The following C12orf50 variants were observed in gnomAD, a reference collection of about 807,000 sequenced individuals.
C12orf50 encodes the protein uncharacterized protein C12orf50.
Under a neutral mutation model 61.6 loss-of-function variants are expected in C12orf50, and 35 were observed. That is an observed-to-expected ratio of 0.57 (90% CI 0.43 to 0.75). The LOEUF (loss-of-function observed/expected upper bound fraction) is 0.75. Among genes scored for constraint, C12orf50 ranks in the 30% least tolerant of loss-of-function variants. The probability of loss-of-function intolerance (pLI) is 0.00; values close to 1 mark genes in which losing one functional copy is unlikely to be tolerated. For missense variants in C12orf50, 475 were observed against 488.5 expected (o/e 0.97, Z 0.26); for synonymous variants, 178 against 161.5 (o/e 1.10, Z -0.77).
chr12:87,982,246 A>T (rs1251646637), intron 12 of C12orf50, among the ~76,000 whole-genome samples: 61 of 152,134 alleles, frequency 4.0e-4, no homozygotes, highest in Admixed American at 4.0e-3. Context: ...CACATGTGAA[A>T]ATTCACACAA....
chr12:88,028,047 C>T (rs537876298), intron 1 of C12orf50: 1 of 152,256 alleles, frequency 6.6e-6, no homozygotes, highest in African/African-American at 2.4e-5. Flanking sequence ...TCAGTTTTCT[C>T]ATCTGTATAC....
chr12:87,996,262 T>G (rs1333956740), intron 6 of C12orf50, 112 bp downstream of exon 6: 2 of 759,048 alleles, frequency 2.6e-6, no homozygotes, highest in Non-Finnish European at 4.3e-6. Context: ...AGTGCTCAAT[T>G]ACGATGTATT....
chr12:87,985,761 G>A (rs983740914), intron 11 of C12orf50, 89 bp downstream of exon 11: 2 of 1,273,710 alleles, frequency 1.6e-6, no homozygotes, highest in South Asian at 2.4e-5. Flanking sequence ...AGGGGAGTAA[G>A]TAGTAGTGAA....
At position 87,989,917 on chromosome 12, in the gene C12orf50, T is replaced by C. The variant is rs375125597; in HGVS notation, c.593-546A>G. On this transcript the variant is annotated intron_variant, in intron 7 of 12. Coordinates refer to ENST00000298699, the MANE Select transcript of C12orf50 (RefSeq NM_152589.3). ...ATCAGCAGAACTAGTAAAATAATAC[T>C]TGCCATTCATGGAGTAATTTTCTAG... Among the ~76,000 whole-genome samples, 45 of 152,272 alleles carry C rather than the reference T, an allele frequency of 3.0e-4. No homozygotes were observed. In the South Asian group the frequency reaches 9.1e-3, roughly 31 times the overall value.
In C12orf50 at chr12:88,026,999, C is replaced by T. The variant is rs756740227; in HGVS notation, c.-37G>A. ...TGCAAAGTGGATCTAAACATTTCCT[C>T]TCTCTCCATAATGAGCACACAGTGT... On this transcript the variant is annotated 5_prime_UTR_variant, in exon 2 of 13. Coordinates refer to ENST00000298699, the MANE Select transcript of C12orf50 (RefSeq NM_152589.3). 3.7e-6 allele frequency: 6 copies of T among 1,614,012 alleles called. No individual in the cohort carries two copies. Among genetic ancestry groups the T allele is most frequent in the East Asian group, 2.2e-5 (1 of 44,852 alleles).
intron 11 of C12orf50, chr12:87,985,552 C>T: frequency 2.9e-6 from 1 of 341,112 alleles, no homozygotes; most frequent in Non-Finnish European, 5.3e-6. Context: ...CATTCAAAAA[C>T]AGTCCTCCTG....
intron 12 of C12orf50, among the ~76,000 whole-genome samples, chr12:87,982,691 G>A (rs1280853125): frequency 6.6e-6 from 1 of 151,980 alleles, no homozygotes; most frequent in East Asian, 1.9e-4. Flanking sequence ...ATTTCATCTT[G>A]GATGTCCTGT....
chr12:88,020,807 T>TA (rs138710006), intron 3 of C12orf50, among the ~76,000 whole-genome samples: 13,004 of 143,618 alleles, frequency 0.091, 589 homozygotes, highest in African/African-American at 0.11. Flanking sequence ...CTCAGCAAAT[T>TA]AAAAAAAAAA....
At chr12:88,001,993 T>C (rs1324913434) in intron 3 of C12orf50, among the ~76,000 whole-genome samples, 1 of 151,792 alleles carries the variant, frequency 6.6e-6, no homozygotes, top group Non-Finnish European at 1.5e-5. Flanking sequence ...ATTCTCTAGT[T>C]CATTAATTCC....
chr12:87,982,830 A>T (rs1481087165), intron 12 of C12orf50, among the ~76,000 whole-genome samples: 1 of 151,996 alleles, frequency 6.6e-6, no homozygotes, highest in Non-Finnish European at 1.5e-5. Flanking sequence ...TTAACGTATT[A>T]CATGATTGCT....
chr12:88,003,907 C>T (rs905248100), intron 3 of C12orf50, among the ~76,000 whole-genome samples: 3 of 151,596 alleles, frequency 2.0e-5, no homozygotes, highest in Non-Finnish European at 4.4e-5. Flanking sequence ...TGGTAAAATG[C>T]CTCATATTTC....
At position 87,990,255 on chromosome 12, in the gene C12orf50, T is replaced by C. The variant is rs540613620; in HGVS notation, c.593-884A>G. Among the ~76,000 whole-genome samples, 3 of 152,330 alleles carry C rather than the reference T, an allele frequency of 2.0e-5. No homozygotes were observed. The East Asian group carries it at 5.8e-4, about 29-fold the overall frequency. On this transcript the variant is annotated intron_variant, in intron 7 of 12. Coordinates refer to ENST00000298699, the MANE Select transcript of C12orf50 (RefSeq NM_152589.3). Reference sequence around the variant, plus strand: ...TCCAACAGATTAACCTCCAGTTAACTGTAAATTTTATAAACATGTCTACAT... The same window carrying C: ...TCCAACAGATTAACCTCCAGTTAACCGTAAATTTTATAAACATGTCTACAT...
At chr12:87,997,913 A>G (rs2031481933) in intron 4 of C12orf50, 122 bp downstream of exon 4, 2 of 673,976 alleles carry the variant, frequency 3.0e-6, no homozygotes, top group Non-Finnish European at 2.4e-6. Context: ...ATACAATTAT[A>G]GTTATTTTCT....
chr12:87,992,641 CA>C (rs147341438), intron 7 of C12orf50, among the ~76,000 whole-genome samples: 8,503 of 151,936 alleles, frequency 0.056, 767 homozygotes, highest in African/African-American at 0.19. Context: ...ATATAAAGGT[CA>C]AAAAATGCAA....
chr12:87,995,278 G>C (rs928982790), intron 6 of C12orf50, among the ~76,000 whole-genome samples: 2 of 152,030 alleles, frequency 1.3e-5, no homozygotes, highest in Non-Finnish European at 2.9e-5. Flanking sequence ...TAGACTAGGG[G>C]AAAAAATTTA....
In C12orf50 at chr12:87,994,634, T is replaced by C. The variant is rs775136641; in HGVS notation, c.591A>G (p.Gly197=). The C allele has an allele frequency of 6.3e-7, 1 of 1,596,060 alleles. No individual in the cohort carries two copies. Among genetic ancestry groups the C allele is most frequent in the Non-Finnish European group, 8.6e-7 (1 of 1,164,152 alleles). ...TCAATCAGTAATAAATTAACTCACC[T>C]CCATTTTCAAAAGCAGCAATGTCAG... ...PKTDIAAFEN[G]GGDCYVPQRV... Residue 197 remains glycine (G), a splice_region_variant and synonymous_variant, in exon 7 of 13, where the codon GGA becomes GGG. Transcript: ENST00000298699.
rs1439435346 is a variant in C12orf50 at position 87,998,866 on chromosome 12, T to G, written c.134-676A>C. Among the ~76,000 whole-genome samples, 6 of 152,080 alleles carry G rather than the reference T, an allele frequency of 3.9e-5. 1 individual carries two copies. The highest frequency in any genetic ancestry group is 3.9e-4 in the Admixed American group (6 of 15,274). ...ATAGACCATTCAATGGGGGAAAAAA[T>G]AGTATTTTCAACAAATGTTGCCGGG... On this transcript the variant is annotated intron_variant, in intron 3 of 12. Coordinates refer to ENST00000298699, the MANE Select transcript of C12orf50 (RefSeq NM_152589.3).
intron 3 of C12orf50, among the ~76,000 whole-genome samples, chr12:88,007,251 GT>G (rs2031920162): frequency 6.6e-6 from 1 of 152,050 alleles, no homozygotes; most frequent in Non-Finnish European, 1.5e-5. Context: ...TTATAATATT[GT>G]GAAATCTTCT....
intron 11 of C12orf50, chr12:87,984,327 T>C (rs1472283511): frequency 1.3e-5 from 2 of 152,148 alleles, no homozygotes; most frequent in African/African-American, 4.8e-5. Flanking sequence ...GGTGACAGAT[T>C]CTTAATTGGC....
Sources: gnomAD v4.1 joint callset for allele counts (sites outside exome capture counted in the v4.1 genomes callset) on GRCh38, gnomAD v4.1.1 for gene constraint, MANE v1.5 for transcripts, NCBI Gene and HGNC (gene_info 2026-07-23, HGNC 2026-07-21) for gene names.